Variants in ARHGEF18 observed in about 807,000 individuals in gnomAD.
ARHGEF18 encodes rho guanine nucleotide exchange factor 18.
Under a neutral mutation model 155.7 loss-of-function variants are expected in ARHGEF18, and 93 were observed. The observed-to-expected ratio is 0.60, with a 90% CI of 0.50 to 0.71. The LOEUF (loss-of-function observed/expected upper bound fraction) is 0.71, where lower values mean the gene tolerates loss of function less well. Among genes scored for constraint, ARHGEF18 ranks in the 30% least tolerant of loss-of-function variants. The pLI, the probability that ARHGEF18 is intolerant of heterozygous loss-of-function variation, is 0.00. For missense variants in ARHGEF18, 1,593 were observed against 1,816.1 expected (o/e 0.88, Z 2.23); for synonymous variants, 742 against 753.1 (o/e 0.99, Z 0.24).
At chr19:7,378,771 C>T (rs1433276715) in intron 6 of ARHGEF18, among the ~76,000 whole-genome samples, 2 of 146,342 alleles carry the variant, frequency 1.4e-5, no homozygotes, top group African/African-American at 5.1e-5. Flanking sequence ...CAGCTCACTG[C>T]AGCCTCTGCC....
intron 1 of ARHGEF18, among the ~76,000 whole-genome samples, chr19:7,361,206 C>CG (rs1237329920): frequency 6.6e-6 from 1 of 152,132 alleles, no homozygotes; most frequent in South Asian, 2.1e-4. Flanking sequence ...GAGGCCAAGG[C>CG]GGGGGGATTG....
chr19:7,371,054 G>A (rs567568211), intron 2 of ARHGEF18, among the ~76,000 whole-genome samples: 9 of 152,144 alleles, frequency 5.9e-5, no homozygotes, highest in African/African-American at 2.2e-4. Context: ...GGGACTACAG[G>A]AGCCTCCCAC....
At chr19:7,468,416 A>C (rs1976800128) in intron 26 of ARHGEF18, among the ~76,000 whole-genome samples, 1 of 151,962 alleles carries the variant, frequency 6.6e-6, no homozygotes, top group Non-Finnish European at 1.5e-5. Flanking sequence ...GCGTGGTGGC[A>C]CATACCTGTA....
Position 7,471,159 on chromosome 19 carries a change from C to T in ARHGEF18, c.*861C>T, listed in dbSNP as rs1247743367. 1.3e-5 allele frequency: 3 copies of T among 231,870 alleles called. No homozygotes were observed. Among genetic ancestry groups the T allele is most frequent in the African/African-American group, 2.3e-5 (1 of 44,226 alleles). 14.4% of individuals were successfully genotyped at this position (231,870 alleles called of 1,614,324 possible). The stretch of plus-strand genomic sequence containing the variant: ...CCCTGGGCACAGGGTCCTCAGCCCC[C>T]GGGAAATGAGCTCCCAGGGCTGGCG... On this transcript the variant is annotated 3_prime_UTR_variant, in exon 29 of 29. Transcript: ENST00000668164. The surrounding 1 kb of genome is among the most constrained non-coding windows in gnomAD (Gnocchi z 4.4).
chr19:7,450,765 C>T (rs36144189), intron 15 of ARHGEF18, among the ~76,000 whole-genome samples: 9 of 27,270 alleles, frequency 3.3e-4, no homozygotes, highest in African/African-American at 1.5e-3. Context: ...TCTTGCTGTC[C>T]GTTTCCACGG....
Position 7,383,062 on chromosome 19 carries a change from G to A in ARHGEF18, c.826G>A (p.Gly276Arg), listed in dbSNP as rs1027390409. The change falls in exon 10 of 29, where the codon GGG becomes AGG. Residue 276 changes from glycine (G) to arginine (R), a missense_variant and splice_region_variant. Coordinates refer to ENST00000668164, the MANE Select transcript of ARHGEF18 (RefSeq NM_001367823.1). ...TGAGACCCACCTCTGTCCCATCCAG[G>A]GGAAGAGCCCAGCACATCTGAAGGA... is the stretch of plus-strand genomic sequence containing the variant. ...RSRVTRQKEK[G>R]KSPAHLKDKG... is the part of the protein sequence containing the mutation. 3.2e-6 allele frequency: 4 copies of A among 1,232,368 alleles called. No individual in the cohort carries two copies. In the African/African-American group the frequency reaches 4.7e-5, roughly 14 times the overall value. 76.3% of individuals were successfully genotyped at this position (1,232,368 alleles called of 1,614,324 possible). A position where few individuals can be genotyped will look rare whatever the true frequency, so the allele number is the denominator to read the frequency against.
chr19:7,458,053 G>A (rs956264323), intron 18 of ARHGEF18, among the ~76,000 whole-genome samples: 2 of 152,052 alleles, frequency 1.3e-5, no homozygotes, highest in Non-Finnish European at 1.5e-5. Flanking sequence ...TTGGGAGGCC[G>A]AGATAGGAGG....
chr19:7,417,453 T>C (rs781037422), intron 10 of ARHGEF18, among the ~76,000 whole-genome samples: 1 of 152,266 alleles, frequency 6.6e-6, no homozygotes, highest in Non-Finnish European at 1.5e-5. Context: ...ATCCTAGCAC[T>C]TTGGGAGACC....
intron 10 of ARHGEF18, among the ~76,000 whole-genome samples, chr19:7,402,295 T>C (rs1972056390): frequency 6.6e-6 from 1 of 152,132 alleles, no homozygotes; most frequent in African/African-American, 2.4e-5. Flanking sequence ...GGTGCGTGCC[T>C]GTAGACCCAG....
In ARHGEF18 at chr19:7,466,836, A is replaced by AAAAGGAAGAAG. The variant is rs1555729790; in HGVS notation, c.2905-80_2905-79insAGGAAGAAGAA. On this transcript the variant is annotated intron_variant, in intron 23 of 28. Transcript: ENST00000668164. ...AAAAAAAAAAAAAAAAGTTAAAAAA[A>AAAAGGAAGAAG]AAGAAGAAGAAGAAGAAGGCTTGAG... is the stretch of plus-strand genomic sequence containing the variant. 5.6e-5 allele frequency: 61 copies of AAAAGGAAGAAG among 1,094,802 alleles called. 2 individuals carry two copies. The highest frequency in any genetic ancestry group is 8.7e-5 in the South Asian group (6 of 68,928). 67.8% of individuals were successfully genotyped at this position (1,094,802 alleles called of 1,614,324 possible).
chr19:7,362,052 G>GAA (rs1969599771), intron 1 of ARHGEF18, among the ~76,000 whole-genome samples: 1 of 37,784 alleles, frequency 2.6e-5, no homozygotes, highest in South Asian at 9.3e-4. Flanking sequence ...AGAAGGAGAA[G>GAA]GAGAAGGAGA....
At chr19:7,473,800 C>T (rs1437475640), downstream of ARHGEF18, among the ~76,000 whole-genome samples, 2 of 113,656 alleles carry the variant, frequency 1.8e-5, no homozygotes, top group African/African-American at 7.6e-5. Context: ...TAGAGCGAGA[C>T]TCCGTCTCAA....
chr19:7,387,772 C>T (rs1276751830), intron 10 of ARHGEF18, among the ~76,000 whole-genome samples: 2 of 151,956 alleles, frequency 1.3e-5, no homozygotes, highest in Non-Finnish European at 2.9e-5. Context: ...CAGGTTCAAG[C>T]GATTCTCACG....
chr19:7,450,251 C>T (rs1168409530), intron 15 of ARHGEF18, among the ~76,000 whole-genome samples: 1 of 147,820 alleles, frequency 6.8e-6, no homozygotes, highest in Admixed American at 6.9e-5. Flanking sequence ...AATACAGGCT[C>T]TTGCTGTCCA....
At chr19:7,468,708 C>A (rs1008044702) in intron 26 of ARHGEF18, 117 bp from the exon 27 acceptor site, 2 of 1,174,456 alleles carry the variant, frequency 1.7e-6, no homozygotes, top group South Asian at 1.6e-5. Context: ...TCAGGCTGCA[C>A]CTGGCTCTGT....
At chr19:7,404,767 G>T (rs1239715514) in intron 10 of ARHGEF18, among the ~76,000 whole-genome samples, 1 of 152,110 alleles carries the variant, frequency 6.6e-6, no homozygotes, top group Admixed American at 6.6e-5. Context: ...GGTCTGGAAG[G>T]TTCGCCTGAT....
In ARHGEF18 at chr19:7,434,035, A is replaced by G. The variant is rs1022978671; in HGVS notation, c.968-6309A>G. On this transcript the variant is annotated intron_variant, in intron 10 of 28. Transcript: ENST00000668164. ...TCTGTCTCATTAAAAAAAAAAAAAA[A>G]AAGAAAAAAAAAGTATGGAGTCTTT... 4.6e-4 allele frequency among the ~76,000 whole-genome samples: 68 copies of G among 147,632 alleles called. 2 individuals carry two copies. Among genetic ancestry groups the G allele is most frequent in the Admixed American group, 8.2e-4 (12 of 14,628 alleles).
intron 5 of ARHGEF18, among the ~76,000 whole-genome samples, chr19:7,377,701 T>C (rs1020550728): frequency 2.7e-5 from 4 of 149,654 alleles, no homozygotes; most frequent in Non-Finnish European, 4.4e-5. Flanking sequence ...GATGGGAGGA[T>C]CACTTAAACC....
intron 10 of ARHGEF18, among the ~76,000 whole-genome samples, chr19:7,414,083 G>A (rs1972850919): frequency 6.6e-6 from 1 of 152,052 alleles, no homozygotes; most frequent in Admixed American, 6.6e-5. Context: ...TAGGCATTTG[G>A]GGCCGGATCA....
Sources: allele counts gnomAD v4.1 joint callset (sites outside exome capture counted in the v4.1 genomes callset), GRCh38; gene constraint gnomAD v4.1.1; non-coding constraint Gnocchi (gnomAD v3.1); transcripts MANE v1.5; gene names NCBI Gene and HGNC (gene_info 2026-07-23, HGNC 2026-07-21).